CADM2: variants seen among roughly 807,000 people sequenced by gnomAD.
The protein encoded by CADM2 is immunoglobulin superfamily member 4D.
CADM2 carries 12 observed loss-of-function variants against 49.8 expected under a neutral mutation model. The observed-to-expected ratio is 0.24, with a 90% CI of 0.15 to 0.39. The LOEUF (loss-of-function observed/expected upper bound fraction) is 0.39, where lower values mean the gene tolerates loss of function less well. Among genes scored for constraint, CADM2 ranks in the 10% least tolerant of loss-of-function variants. The pLI, the probability that CADM2 is intolerant of heterozygous loss-of-function variation, is 1.00. For synonymous variants in CADM2, 214 were observed against 175.4 expected (o/e 1.22, Z -1.74); for missense variants, 378 against 492.3 (o/e 0.77, Z 2.20).
intron 1 of CADM2, among the ~76,000 whole-genome samples, chr3:85,132,845 G>T (rs2039278153): frequency 6.6e-6 from 1 of 152,168 alleles, no homozygotes; most frequent in Non-Finnish European, 1.5e-5. Flanking sequence ...TACTGTGTCC[G>T]GAATTGGTGG....
At chr3:85,291,040 A>G (rs1245801767) in intron 1 of CADM2, among the ~76,000 whole-genome samples, 1 of 152,200 alleles carries the variant, frequency 6.6e-6, no homozygotes, top group African/African-American at 2.4e-5. Context: ...AAAACTTTTT[A>G]AAAAATTTAG....
chr3:85,715,444 AC>A (rs1274210338), intron 1 of CADM2, among the ~76,000 whole-genome samples: 4 of 152,192 alleles, frequency 2.6e-5, no homozygotes, highest in Non-Finnish European at 4.4e-5. Flanking sequence ...ACATTAGAAC[AC>A]CCTGAAAATT....
At chr3:85,238,618 T>C (rs1290601987) in intron 1 of CADM2, among the ~76,000 whole-genome samples, 2 of 151,976 alleles carry the variant, frequency 1.3e-5, no homozygotes, top group Non-Finnish European at 2.9e-5. Flanking sequence ...AATGCTTGAC[T>C]AGAACGTTTG....
chr3:86,044,544 TA>T (rs1214896673), intron 8 of CADM2, among the ~76,000 whole-genome samples: 2 of 152,114 alleles, frequency 1.3e-5, no homozygotes, highest in African/African-American at 4.8e-5. Context: ...TGGCGATCAT[TA>T]AACAGTCAGG....
rs557030112 is a variant in CADM2, at chr3:85,186,326, A to G, written c.61+226658A>G. ...AATGGTGCTCTTGGTCAAAAACTCAATTTTGAACAAAAACCTAAATGCCAC... is the reference window on the plus strand; with the variant it reads ...AATGGTGCTCTTGGTCAAAAACTCAGTTTTGAACAAAAACCTAAATGCCAC... On this transcript the variant is annotated intron_variant, in intron 1 of 9. Transcript: ENST00000383699. 2.6e-5 allele frequency among the ~76,000 whole-genome samples: 4 copies of G among 152,240 alleles called. No homozygotes were observed. The East Asian group carries it at 7.7e-4, about 29-fold the overall frequency.
rs559296409 is a variant in CADM2, at chr3:85,350,622, TAG to T, written c.62-375897_62-375896del. Among the ~76,000 whole-genome samples, 26 of 152,318 alleles carry T rather than the reference TAG, an allele frequency of 1.7e-4. No homozygotes were observed. In the South Asian group the frequency reaches 5.0e-3, roughly 29 times the overall value. ...GTTCAGAAAATACTGTGATCTTTCA[TAG>T]AGTTTCGGCATGGAGCAGGAGGACA... On this transcript the variant is annotated intron_variant, in intron 1 of 9. Transcript: ENST00000383699.
chr3:85,062,173 AC>A (rs1425533791), intron 1 of CADM2, among the ~76,000 whole-genome samples: 1 of 152,018 alleles, frequency 6.6e-6, no homozygotes, highest in East Asian at 1.9e-4. Context: ...AAAGTTCTAG[AC>A]ATTTGCTATA....
chr3:85,353,423 C>A (rs909404467), intron 1 of CADM2, among the ~76,000 whole-genome samples: 6 of 152,210 alleles, frequency 3.9e-5, no homozygotes, highest in South Asian at 2.1e-4. Flanking sequence ...CTCCTTTACA[C>A]ATAAATGTGC....
At chr3:85,263,393 A>G (rs2043056085) in intron 1 of CADM2, among the ~76,000 whole-genome samples, 1 of 152,130 alleles carries the variant, frequency 6.6e-6, no homozygotes, top group Admixed American at 6.6e-5. Context: ...AATAAAATCT[A>G]ATCCTTCTAA....
intron 2 of CADM2, among the ~76,000 whole-genome samples, chr3:85,743,165 A>G (rs1223301387): frequency 6.6e-6 from 1 of 151,206 alleles, no homozygotes; most frequent in East Asian, 2.0e-4. Flanking sequence ...TTTCCTTCCT[A>G]CTGGCAATTT....
chr3:85,241,940 T>G (rs2042539613), intron 1 of CADM2, among the ~76,000 whole-genome samples: 1 of 151,526 alleles, frequency 6.6e-6, no homozygotes, highest in African/African-American at 2.4e-5. Flanking sequence ...ATGGCTCTCT[T>G]TTGAGAGTCG....
At chr3:85,267,170 C>T (rs1171720865) in intron 1 of CADM2, among the ~76,000 whole-genome samples, 15 of 151,840 alleles carry the variant, frequency 9.9e-5, no homozygotes, top group African/African-American at 3.6e-4. Context: ...CATTTCTCTA[C>T]ATAGTAGGAT....
intron 2 of CADM2, among the ~76,000 whole-genome samples, chr3:85,796,040 T>A (rs533448256): frequency 9.8e-4 from 149 of 152,324 alleles, no homozygotes; most frequent in Admixed American, 1.7e-3. Context: ...GTAAATGTAG[T>A]GGATGAGATT....
chr3:85,393,275 A>G (rs2107405328), intron 1 of CADM2, among the ~76,000 whole-genome samples: 1 of 152,142 alleles, frequency 6.6e-6, no homozygotes, highest in East Asian at 1.9e-4. Context: ...TTTGGCGCAC[A>G]TAATGATGTC....
At chr3:85,137,610 C>G (rs1010370094) in intron 1 of CADM2, among the ~76,000 whole-genome samples, 1 of 151,946 alleles carries the variant, frequency 6.6e-6, no homozygotes, top group Admixed American at 6.6e-5. Flanking sequence ...TACTAATTTT[C>G]ACAACTTTCT....
intron 1 of CADM2, among the ~76,000 whole-genome samples, chr3:85,500,839 A>T (rs2040085974): frequency 6.6e-6 from 1 of 151,998 alleles, no homozygotes; most frequent in Admixed American, 6.6e-5. Flanking sequence ...CTTGATGTGA[A>T]CACTTCCTAT....
intron 1 of CADM2, among the ~76,000 whole-genome samples, chr3:85,531,369 A>AT: frequency 1.3e-5 from 2 of 152,246 alleles, no homozygotes; most frequent in African/African-American, 2.4e-5. Context: ...TAAGCAGTTT[A>AT]TTTTTTTGAC....
At chr3:85,866,064 G>T (rs2075709911) in intron 3 of CADM2, among the ~76,000 whole-genome samples, 2 of 152,096 alleles carry the variant, frequency 1.3e-5, no homozygotes, top group Admixed American at 1.3e-4. Context: ...CTTGAACCCA[G>T]GAGACAGAGG....
intron 3 of CADM2, among the ~76,000 whole-genome samples, chr3:85,867,047 G>A (rs1486761463): frequency 6.6e-6 from 1 of 152,056 alleles, no homozygotes; most frequent in Non-Finnish European, 1.5e-5. Flanking sequence ...ATAACATTTA[G>A]TATAATCATA....
Sources: allele counts gnomAD v4.1 joint callset (sites outside exome capture counted in the v4.1 genomes callset), GRCh38; gene constraint gnomAD v4.1.1; transcripts MANE v1.5; gene names NCBI Gene and HGNC (gene_info 2026-07-23, HGNC 2026-07-21).